Variants in TOX2 observed in about 807,000 individuals in gnomAD.
The protein encoded by TOX2 is granulosa cell HMG box 1.
In TOX2, 15 loss-of-function variants were observed where a neutral mutation model predicts 47.4. That is an observed-to-expected ratio of 0.32 (90% CI 0.21 to 0.49). TOX2 has a LOEUF of 0.49. Ranked by LOEUF, TOX2 falls within the 20% of genes least tolerant of loss-of-function variation. The pLI is 0.99. For missense variants in TOX2, 622 were observed against 673.1 expected, an observed-to-expected ratio of 0.92 and a Z score of 0.84; for synonymous variants, 290 against 296.6, an observed-to-expected ratio of 0.98 and a Z score of 0.23.
chr20:44,066,832 G>A lies in TOX2; in HGVS notation c.1459G>A (p.Gly487Arg). Residue 487 changes from glycine (G) to arginine (R), a missense_variant, in exon 8 of 9, where the codon GGG becomes AGG. This residue lies in a region of TOX2 where 294 missense variants were observed against 300.0 expected (regional missense o/e 0.98). Transcript: ENST00000341197. Reference sequence around the variant, plus strand: ...GGACTGGGACAGCAGCTACCCCAGTGGGGAGTGTGGCATCAGCACCTGCAG... The same window carrying A: ...GGACTGGGACAGCAGCTACCCCAGTAGGGAGTGTGGCATCAGCACCTGCAG... ...SGDWDSSYPS[G>R]ECGISTCSLL... 1 of 1,614,060 alleles carries A rather than the reference G, an allele frequency of 6.2e-7. No homozygotes were observed. The highest frequency in any genetic ancestry group is 1.1e-5 in the South Asian group (1 of 91,072).
At chr20:44,019,585 A>T (rs1037685518) in intron 3 of TOX2, among the ~76,000 whole-genome samples, 5 of 152,218 alleles carry the variant, frequency 3.3e-5, no homozygotes, top group Non-Finnish European at 7.3e-5. Context: ...AACTCCTGGT[A>T]GCAAGGAAAA....
At chr20:43,979,045 T>C (rs183942144) in intron 2 of TOX2, among the ~76,000 whole-genome samples, 2 of 152,260 alleles carry the variant, frequency 1.3e-5, no homozygotes, top group East Asian at 3.9e-4. Context: ...CTCCTAGGCT[T>C]CTACCATGAG....
intron 1 of TOX2, among the ~76,000 whole-genome samples, chr20:43,966,453 C>A (rs923536695): frequency 6.6e-6 from 1 of 151,902 alleles, no homozygotes; most frequent in Non-Finnish European, 1.5e-5. Flanking sequence ...CATGGTGGGA[C>A]GATGTGTAAG....
At chr20:43,997,728 C>T (rs1299387313) in intron 2 of TOX2, among the ~76,000 whole-genome samples, 1 of 151,968 alleles carries the variant, frequency 6.6e-6, no homozygotes, top group Non-Finnish European at 1.5e-5. Context: ...TCTTTCTTGT[C>T]TTCTAATAAA....
intron 3 of TOX2, among the ~76,000 whole-genome samples, chr20:44,042,325 C>T (rs1166440440): frequency 6.6e-6 from 1 of 152,202 alleles, no homozygotes; most frequent in Non-Finnish European, 1.5e-5. Flanking sequence ...ATTACAGAAG[C>T]CACAATTCAA....
At position 43,970,810 on chromosome 20, in the gene TOX2, C is replaced by T. The variant is rs951756190; in HGVS notation, c.100-2557C>T. Among the ~76,000 whole-genome samples, 6 of 152,140 alleles carry T rather than the reference C, an allele frequency of 3.9e-5. 1 individual carries two copies. Among genetic ancestry groups the T allele is most frequent in the Admixed American group, 6.5e-5 (1 of 15,270 alleles). On this transcript the variant is annotated intron_variant, in intron 1 of 8. Transcript: ENST00000341197. ...ACAGTTCCAGCCTCCATGTTGCTTCCACTCTGGGACAGATGACAAATGTGG... is the reference window on the plus strand; with the variant it reads ...ACAGTTCCAGCCTCCATGTTGCTTCTACTCTGGGACAGATGACAAATGTGG...
At chr20:43,978,005 T>A (rs989079743) in intron 2 of TOX2, among the ~76,000 whole-genome samples, 24 of 152,168 alleles carry the variant, frequency 1.6e-4, no homozygotes, top group African/African-American at 5.3e-4. Context: ...CTTATGCAAG[T>A]GATAGCAGCT....
chr20:43,927,105 A>T (rs2069177117), intron 1 of TOX2, among the ~76,000 whole-genome samples: 1 of 152,210 alleles, frequency 6.6e-6, no homozygotes, highest in African/African-American at 2.4e-5. Flanking sequence ...ATTTCTCTGC[A>T]TCTAGGAAAA....
chr20:43,996,857 ATCAACAATGTAAC>A (rs1169329685), intron 2 of TOX2, among the ~76,000 whole-genome samples: 1 of 152,162 alleles, frequency 6.6e-6, no homozygotes, highest in Non-Finnish European at 1.5e-5. Context: ...CTTTCTGCAG[ATCAACAATGTAAC>A]TCTCAATACA....
chr20:43,938,795 C>T (rs1025651914), intron 1 of TOX2, among the ~76,000 whole-genome samples: 5 of 152,216 alleles, frequency 3.3e-5, no homozygotes, highest in African/African-American at 1.2e-4. Flanking sequence ...TTGTCGCTCC[C>T]TGCATTGAGG....
rs2069037845 is a variant in TOX2, at chr20:43,914,864, A to AGAC, written c.-27_-26insACG. The AGAC allele has an allele frequency of 1.1e-6, 1 of 925,374 alleles. No homozygotes were observed. The highest frequency in any genetic ancestry group is 1.8e-5 in the African/African-American group (1 of 54,560). 57.3% of individuals were successfully genotyped at this position (925,374 alleles called of 1,614,324 possible). On this transcript the variant is annotated 5_prime_UTR_variant, in exon 1 of 9. Transcript: ENST00000341197. This position sits in a 1 kb window ranked among gnomAD's most constrained non-coding sequence, Gnocchi z 4.5. ...CGCCCGCCCAGGCACTGCCCGCGGGAGCCGCCGCCGCCGCCGCCGCGCCCG... is the reference window on the plus strand; with the variant it reads ...CGCCCGCCCAGGCACTGCCCGCGGGAGACGCCGCCGCCGCCGCCGCCGCGCCCG...
rs1343301910 is a variant in TOX2, at chr20:43,915,024, G to A, written c.99+34G>A. The A allele has an allele frequency of 4.1e-6, 5 of 1,212,694 alleles. No individual in the cohort carries two copies. The highest frequency in any genetic ancestry group is 4.5e-5 in the Admixed American group (1 of 22,034). 75.1% of individuals were successfully genotyped at this position (1,212,694 alleles called of 1,614,324 possible). On this transcript the variant is annotated intron_variant, in intron 1 of 8. Coordinates refer to ENST00000341197, the MANE Select transcript of TOX2 (RefSeq NM_001098797.2). The surrounding 1 kb of genome is among the most constrained non-coding windows in gnomAD (Gnocchi z 7.1). ...GGGCGGGCGGGGGTCCCCGGCGGGC[G>A]GGGCCGGAGTCACCTGGCAGCTCGG...
chr20:44,034,654 C>T lies in TOX2; in HGVS notation c.412-16652C>T, dbSNP rs981846577. ...TGGCCAACTTCTGGGTCTCTGTCAC[C>T]ATCCAGGCCTCTCTGCCAGGTCTAG... On this transcript the variant is annotated intron_variant, in intron 3 of 8. Transcript: ENST00000341197. Among the ~76,000 whole-genome samples, 3 of 152,208 alleles carry T rather than the reference C, an allele frequency of 2.0e-5. No individual in the cohort carries two copies. The South Asian group carries it at 6.2e-4, about 31-fold the overall frequency.
intron 7 of TOX2, 84 bp from the exon 8 acceptor site, chr20:44,066,646 C>G: frequency 6.2e-7 from 1 of 1,605,654 alleles, no homozygotes; most frequent in Non-Finnish European, 8.5e-7. Context: ...CCCTTGGACA[C>G]ATGGGCTCTC....
intron 3 of TOX2, among the ~76,000 whole-genome samples, chr20:44,010,763 A>G (rs2070765648): frequency 6.6e-6 from 1 of 152,208 alleles, no homozygotes; most frequent in Non-Finnish European, 1.5e-5. Flanking sequence ...TGATAATAGT[A>G]TCATGAAGGG....
Position 44,039,140 on chromosome 20 carries a change from G to T in TOX2, c.412-12166G>T, listed in dbSNP as rs923457783. The T allele has an allele frequency of 4.8e-6, 6 of 1,259,296 alleles. No homozygotes were observed. In the Admixed American group the frequency reaches 1.4e-4, roughly 29 times the overall value. 78.0% of individuals were successfully genotyped at this position (1,259,296 alleles called of 1,614,324 possible). On this transcript the variant is annotated intron_variant, in intron 3 of 8. Transcript: ENST00000341197. ...TTGAGCAGATGCCGGGAGGCAACGT[G>T]TGGAGAGCTCTGCCAGAGGCTTGGA...
chr20:43,929,192 G>A (rs2069220258), intron 1 of TOX2, among the ~76,000 whole-genome samples: 1 of 151,676 alleles, frequency 6.6e-6, no homozygotes, highest in African/African-American at 2.4e-5. Context: ...ACAAAAACAG[G>A]GAAAAAAACC....
chr20:43,968,631 C>T (rs977252425), intron 1 of TOX2, among the ~76,000 whole-genome samples: 6 of 152,196 alleles, frequency 3.9e-5, no homozygotes, highest in Admixed American at 1.3e-4. Context: ...AATGTGGGTT[C>T]TTTCAGATTC....
chr20:44,059,759 A>G (rs1569146554), intron 5 of TOX2, among the ~76,000 whole-genome samples: 1 of 152,244 alleles, frequency 6.6e-6, no homozygotes, highest in African/African-American at 2.4e-5. Flanking sequence ...AAGGAGCTCA[A>G]TCTTGAAACA....
Sources: gnomAD v4.1 joint callset for allele counts (sites outside exome capture counted in the v4.1 genomes callset) on GRCh38, gnomAD v4.1.1 for gene constraint, gnomAD v4.1.1 regional missense constraint, Gnocchi (gnomAD v3.1) non-coding constraint, MANE v1.5 for transcripts, NCBI Gene and HGNC (gene_info 2026-07-23, HGNC 2026-07-21) for gene names.